COL28A1: variants seen among roughly 807,000 people sequenced by gnomAD.
COL28A1 encodes collagen type XXVIII alpha 1 chain.
Under a neutral mutation model 150.2 loss-of-function variants are expected in COL28A1, and 161 were observed. The ratio of observed to expected loss-of-function variants is 1.07; its 90% CI spans 0.94 to 1.22. The LOEUF is 1.22. COL28A1 is among the 50% of genes most tolerant of loss of function. The probability of loss-of-function intolerance (pLI) is 0.00; values close to 1 mark genes in which losing one functional copy is unlikely to be tolerated. For synonymous variants in COL28A1, 552 were observed against 469.7 expected (o/e 1.18, Z -2.26); for missense variants, 1,617 against 1,388.3 (o/e 1.16, Z -2.62).
At chr7:7,539,299 A>AAGGGGACC (rs1176099033), upstream of COL28A1, among the ~76,000 whole-genome samples, 2 of 152,202 alleles carry the variant, frequency 1.3e-5, no homozygotes, top group Non-Finnish European at 1.5e-5. Context: ...CAGAAGGTGA[A>AAGGGGACC]AGGGGACCAG....
chr7:7,536,651 C>T (rs1259850828), upstream of COL28A1, among the ~76,000 whole-genome samples: 2 of 152,192 alleles, frequency 1.3e-5, no homozygotes, highest in Non-Finnish European at 2.9e-5. Context: ...AGGCAGGCTT[C>T]TCCACGGACT....
chr7:7,500,070 C>T (rs1427725985), intron 11 of COL28A1, among the ~76,000 whole-genome samples: 3 of 152,186 alleles, frequency 2.0e-5, no homozygotes, highest in Non-Finnish European at 2.9e-5. Context: ...TCAACACTGT[C>T]CTGTTTGTCT....
intron 25 of COL28A1, among the ~76,000 whole-genome samples, chr7:7,428,529 G>C (rs1784767665): frequency 6.6e-6 from 1 of 152,218 alleles, no homozygotes. Flanking sequence ...CAGGAACAGA[G>C]TTATCTGCAG....
intron 16 of COL28A1, among the ~76,000 whole-genome samples, chr7:7,454,662 A>T (rs1168791088): frequency 6.6e-6 from 1 of 152,190 alleles, no homozygotes; most frequent in Non-Finnish European, 1.5e-5. Flanking sequence ...CCATCTGAAC[A>T]GACTTGTCTT....
At chr7:7,425,072 A>G (rs1345047271) in intron 25 of COL28A1, among the ~76,000 whole-genome samples, 1 of 151,776 alleles carries the variant, frequency 6.6e-6, no homozygotes, top group Non-Finnish European at 1.5e-5. Context: ...AAACTATTAT[A>G]ATAAATAATA....
intron 18 of COL28A1, among the ~76,000 whole-genome samples, chr7:7,450,740 T>C (rs1250064341): frequency 6.6e-6 from 1 of 152,196 alleles, no homozygotes; most frequent in Non-Finnish European, 1.5e-5. Flanking sequence ...TGTGGCAGCA[T>C]TGTTGGCAAA....
At chr7:7,505,825 G>T (rs1014636548) in intron 11 of COL28A1, among the ~76,000 whole-genome samples, 189 bp downstream of exon 11, 1 of 152,146 alleles carries the variant, frequency 6.6e-6, no homozygotes, top group African/African-American at 2.4e-5. Context: ...AATAATAAAT[G>T]ATAAAGGTAT....
chr7:7,341,558 G>T, the COL28A1 span, among the ~76,000 whole-genome samples: 1,028 of 152,110 alleles, frequency 6.8e-3, 9 homozygotes, highest in African/African-American at 0.023. Flanking sequence ...CTACAGGTGT[G>T]TGCCACCACA....
At chr7:7,530,371 A>G (rs1255611531) in intron 3 of COL28A1, among the ~76,000 whole-genome samples, 1 of 152,228 alleles carries the variant, frequency 6.6e-6, no homozygotes, top group African/African-American at 2.4e-5. Flanking sequence ...GATAAGAGTA[A>G]TGTTGAGAAA....
chr7:7,522,375 A>T (rs1294448816), intron 4 of COL28A1, among the ~76,000 whole-genome samples: 2 of 152,178 alleles, frequency 1.3e-5, no homozygotes, highest in Non-Finnish European at 2.9e-5. Flanking sequence ...TAATATAATA[A>T]TATTAAATGC....
intron 27 of COL28A1, among the ~76,000 whole-genome samples, chr7:7,398,903 C>A (rs138063736): frequency 1.3e-4 from 20 of 152,144 alleles, no homozygotes; most frequent in Admixed American, 1.3e-3. Context: ...TACTCCGATG[C>A]CTCCGTTGGT....
Position 7,403,682 on chromosome 7 carries a change from T to A in COL28A1, c.2136+14177A>T, listed in dbSNP as rs140416875. ...ACGTAATATTTATAGACTAAGGTGA[T>A]AGAAAGGATGGATTCCACCATTGTT... On this transcript the variant is annotated intron_variant, in intron 27 of 34. Transcript: ENST00000399429. Among the ~76,000 whole-genome samples the A allele has an allele frequency of 7.2e-3, 1,104 of 152,296 alleles. 9 individuals are homozygous for A. Among genetic ancestry groups the A allele is most frequent in the Middle Eastern group, 0.031 (9 of 294 alleles).
At chr7:7,499,140 G>C (rs1357100929) in intron 11 of COL28A1, among the ~76,000 whole-genome samples, 1 of 152,116 alleles carries the variant, frequency 6.6e-6, no homozygotes, top group Non-Finnish European at 1.5e-5. Context: ...TCTACAGCAA[G>C]AATTGCTGGA....
At chr7:7,514,678 G>A (rs1267751576) in intron 8 of COL28A1, among the ~76,000 whole-genome samples, 1 of 152,046 alleles carries the variant, frequency 6.6e-6, no homozygotes, top group African/African-American at 2.4e-5. Context: ...TCTTCAAAAG[G>A]GATAAAGAAT....
chr7:7,381,759 A>G (rs1781886806), intron 27 of COL28A1, 147 bp from the exon 28 acceptor site: 2 of 547,970 alleles, frequency 3.6e-6, no homozygotes, highest in Admixed American at 3.4e-5. Context: ...GTATATAAAT[A>G]CATATGTGTA....
At position 7,417,902 on chromosome 7, in the gene COL28A1, G is replaced by T. The variant is rs1312749178; in HGVS notation, c.2093C>A (p.Pro698His). Reference sequence around the variant, plus strand: ...ATAGCCAGGGGGGCCAGGAGGGCCAGGCAAGCCTTTCTGCCCAGTATCACC... The same window carrying T: ...ATAGCCAGGGGGGCCAGGAGGGCCATGCAAGCCTTTCTGCCCAGTATCACC... ...PKGDTGQKGL[P>H]GPPGPPGYGS... Residue 698 changes from proline (P) to histidine (H), a missense_variant, in exon 27 of 35, where the codon CCT (proline) becomes CAT (histidine). Transcript: ENST00000399429. 1.9e-6 allele frequency: 3 copies of T among 1,613,478 alleles called. No individual in the cohort carries two copies. Among genetic ancestry groups the T allele is most frequent in the Non-Finnish European group, 2.5e-6 (3 of 1,179,718 alleles).
intron 9 of COL28A1, among the ~76,000 whole-genome samples, chr7:7,509,479 T>A (rs553197655): frequency 1.7e-4 from 26 of 152,340 alleles, no homozygotes; most frequent in African/African-American, 6.3e-4. Context: ...TCTCTTCATG[T>A]TGTTCATATG....
the COL28A1 span, among the ~76,000 whole-genome samples, chr7:7,341,009 A>G: frequency 2.0e-5 from 3 of 152,140 alleles, no homozygotes; most frequent in African/African-American, 4.8e-5. Context: ...CACATTCTGT[A>G]CTTACCCATA....
intron 6 of COL28A1, among the ~76,000 whole-genome samples, chr7:7,518,544 T>A (rs1373039220): frequency 6.6e-6 from 1 of 152,214 alleles, no homozygotes; most frequent in Non-Finnish European, 1.5e-5. Context: ...ATTTTTGAGT[T>A]AATTTTTAAT....
Sources: gnomAD v4.1 joint callset for allele counts (sites outside exome capture counted in the v4.1 genomes callset) on GRCh38, gnomAD v4.1.1 for gene constraint, MANE v1.5 for transcripts, NCBI Gene and HGNC (gene_info 2026-07-23, HGNC 2026-07-21) for gene names.